Variants in TSHZ2 observed in about 807,000 individuals in gnomAD.
The protein encoded by TSHZ2 is teashirt zinc finger homeobox 2.
A neutral mutation model predicts 74.4 loss-of-function variants in TSHZ2; 21 were observed. That is an observed-to-expected ratio of 0.28 (90% CI 0.20 to 0.41). The LOEUF (loss-of-function observed/expected upper bound fraction) is 0.41, where lower values mean the gene tolerates loss of function less well. Ranked by LOEUF, TSHZ2 falls within the 10% of genes least tolerant of loss-of-function variation. TSHZ2 has a pLI of 1.00. For missense variants in TSHZ2, 1,244 were observed against 1,293.5 expected (o/e 0.96, Z 0.59); for synonymous variants, 540 against 515.3 (o/e 1.05, Z -0.65).
At position 52,991,936 on chromosome 20, in the gene TSHZ2, A is replaced by G. The variant is rs140866093; in HGVS notation, c.40+18603A>G. 2.3e-3 allele frequency among the ~76,000 whole-genome samples: 353 copies of G among 152,338 alleles called. 2 individuals carry two copies. Among genetic ancestry groups the G allele is most frequent in the Non-Finnish European group, 2.8e-3 (193 of 68,030 alleles). On this transcript the variant is annotated intron_variant, in intron 1 of 2. Transcript: ENST00000371497. ...GCCCTTCAGGATTTTCCCTGTGAAC[A>G]TGAAGCCGACGTCACAGTGTATTTT...
intron 2 of TSHZ2, among the ~76,000 whole-genome samples, chr20:53,388,291 C>G (rs973632584): frequency 6.6e-5 from 10 of 152,218 alleles, no homozygotes; most frequent in Non-Finnish European, 1.3e-4. Flanking sequence ...AGATACTGTT[C>G]ATTCAAACTC....
At position 53,489,053 on chromosome 20, in the gene TSHZ2, A is replaced by G. The variant is rs977518199; in HGVS notation, c.*1918A>G. On this transcript the variant is annotated 3_prime_UTR_variant, in exon 3 of 3. Transcript: ENST00000371497. ...ATACCCCTCACATCATCGGATTGAG[A>G]TGGCAGTCGAAATAGCTTCATTGAA... 71 of 456,122 alleles carry G rather than the reference A, an allele frequency of 1.6e-4. No homozygotes were observed. Among genetic ancestry groups the G allele is most frequent in the African/African-American group, 1.3e-3 (66 of 50,066 alleles). 28.3% of individuals were successfully genotyped at this position (456,122 alleles called of 1,614,324 possible).
chr20:53,342,886 A>G (rs2145571799), intron 2 of TSHZ2, among the ~76,000 whole-genome samples: 1 of 151,506 alleles, frequency 6.6e-6, no homozygotes, highest in Non-Finnish European at 1.5e-5. Context: ...GGATCTTGTT[A>G]AAAATGCAGG....
chr20:53,155,346 G>A (rs1987770160), intron 1 of TSHZ2, among the ~76,000 whole-genome samples: 1 of 152,016 alleles, frequency 6.6e-6, no homozygotes, highest in Non-Finnish European at 1.5e-5. Flanking sequence ...ACCTGAGACT[G>A]GTGTCAGAAA....
chr20:53,243,800 G>GGGTTTCTT (rs1371305680), intron 1 of TSHZ2, among the ~76,000 whole-genome samples: 1 of 151,450 alleles, frequency 6.6e-6, no homozygotes, highest in East Asian at 1.9e-4. Context: ...AGAGAACAGT[G>GGGTTTCTT]GGTTTCTTGC....
intron 1 of TSHZ2, among the ~76,000 whole-genome samples, chr20:52,987,523 T>TCTCTCTCTC (rs1322608589): frequency 6.6e-6 from 1 of 150,740 alleles, no homozygotes; most frequent in African/African-American, 2.4e-5. Flanking sequence ...CTCTCTCTCT[T>TCTCTCTCTC]CTCTCTCTCC....
chr20:53,263,048 C>A (rs1157140468), intron 2 of TSHZ2, among the ~76,000 whole-genome samples: 3 of 152,106 alleles, frequency 2.0e-5, no homozygotes, highest in Admixed American at 6.5e-5. Flanking sequence ...TCATGTATTT[C>A]TTTGTGTATT....
At chr20:53,155,196 A>G (rs1206096835) in intron 1 of TSHZ2, among the ~76,000 whole-genome samples, 6 of 151,444 alleles carry the variant, frequency 4.0e-5, no homozygotes, top group Admixed American at 6.6e-5. Flanking sequence ...GACCCTCCCT[A>G]TGAAGTATTA....
chr20:53,228,514 C>T (rs557196944), intron 1 of TSHZ2, among the ~76,000 whole-genome samples: 29 of 152,258 alleles, frequency 1.9e-4, no homozygotes, highest in African/African-American at 3.6e-4. Flanking sequence ...ATTCGGGGTC[C>T]GGTAATTCTC....
chr20:53,469,634 G>GAGGA (rs756806325), intron 2 of TSHZ2, among the ~76,000 whole-genome samples: 3,239 of 35,186 alleles, frequency 0.092, 265 homozygotes, highest in East Asian at 0.13. Flanking sequence ...GGAAGGGAGG[G>GAGGA]AGGAAGGAAG....
At chr20:53,323,563 C>CTGTTT (rs1979363088) in intron 2 of TSHZ2, among the ~76,000 whole-genome samples, 1 of 36,662 alleles carries the variant, frequency 2.7e-5, no homozygotes, top group Non-Finnish European at 4.6e-5. Flanking sequence ...CCTTGGAGGG[C>CTGTTT]TTTTTTTTTT....
At chr20:53,146,311 T>A (rs2123428126) in intron 1 of TSHZ2, among the ~76,000 whole-genome samples, 1 of 152,244 alleles carries the variant, frequency 6.6e-6, no homozygotes, top group South Asian at 2.1e-4. Flanking sequence ...GATGGATGGT[T>A]TCATTTCTTC....
chr20:53,116,403 C>T (rs958892756), intron 1 of TSHZ2, among the ~76,000 whole-genome samples: 6 of 152,230 alleles, frequency 3.9e-5, no homozygotes, highest in African/African-American at 1.4e-4. Context: ...CACAGGCCAC[C>T]TCTCTGGGTG....
intron 1 of TSHZ2, among the ~76,000 whole-genome samples, chr20:53,001,232 G>GTGTGTGTGTGTGTGTGTA (rs1982422765): frequency 4.4e-5 from 6 of 135,396 alleles, no homozygotes; most frequent in South Asian, 2.4e-4. Flanking sequence ...GTGTGTGTGT[G>GTGTGTGTGTGTGTGTGTA]TGTGTGTGTG....
chr20:53,221,453 G>A (rs142761745), intron 1 of TSHZ2, among the ~76,000 whole-genome samples: 150 of 152,244 alleles, frequency 9.9e-4, no homozygotes, highest in African/African-American at 3.0e-3. Context: ...GGGTCAGCAG[G>A]GAATGTCCTT....
chr20:53,092,776 G>A (rs1011327994), intron 1 of TSHZ2, among the ~76,000 whole-genome samples: 2 of 152,154 alleles, frequency 1.3e-5, no homozygotes, highest in Non-Finnish European at 2.9e-5. Context: ...GTTGCATCAC[G>A]TTTGTTTTGG....
In TSHZ2 at chr20:53,242,277, C is replaced by G. The variant is rs559194006; in HGVS notation, c.41-11222C>G. Among the ~76,000 whole-genome samples, 373 of 152,220 alleles carry G rather than the reference C, an allele frequency of 2.5e-3. 3 individuals are homozygous for G. Among genetic ancestry groups the G allele is most frequent in the African/African-American group, 8.6e-3 (358 of 41,532 alleles). On this transcript the variant is annotated intron_variant, in intron 1 of 2. Coordinates refer to ENST00000371497, the MANE Select transcript of TSHZ2 (RefSeq NM_173485.6). ...TCTAGGTATAGCAACCAAAAATGTC[C>G]TCAAACGTTGTCCCATGTCCCCTGG... is the stretch of plus-strand genomic sequence containing the variant.
chr20:53,483,460 G>A (rs1986212972), intron 2 of TSHZ2, among the ~76,000 whole-genome samples: 1 of 152,158 alleles, frequency 6.6e-6, no homozygotes, highest in South Asian at 2.1e-4. Flanking sequence ...GCAGTCAGCT[G>A]TGATTGCACC....
chr20:53,420,768 CAAAAAA>C (rs908676072), intron 2 of TSHZ2, among the ~76,000 whole-genome samples: 2 of 151,780 alleles, frequency 1.3e-5, no homozygotes, highest in Admixed American at 1.3e-4. Flanking sequence ...GTCTCAAAAA[CAAAAAA>C]GAAAAAGTGT....
Sources: gnomAD v4.1 joint callset for allele counts (sites outside exome capture counted in the v4.1 genomes callset) on GRCh38, gnomAD v4.1.1 for gene constraint, MANE v1.5 for transcripts, NCBI Gene and HGNC (gene_info 2026-07-23, HGNC 2026-07-21) for gene names.